CAMK2D: variants seen among roughly 807,000 people sequenced by gnomAD.
CAMK2D encodes the protein calcium/calmodulin dependent protein kinase II delta.
In CAMK2D, 37 loss-of-function variants were observed where a neutral mutation model predicts 84.0. That is an observed-to-expected ratio of 0.44 (90% CI 0.34 to 0.58). The LOEUF (loss-of-function observed/expected upper bound fraction) is 0.58. Among genes scored for constraint, CAMK2D ranks in the 20% least tolerant of loss-of-function variants. The pLI, the probability that CAMK2D is intolerant of heterozygous loss-of-function variation, is 0.02. For synonymous variants in CAMK2D, 202 were observed against 212.5 expected, an observed-to-expected ratio of 0.95 and a Z score of 0.43; for missense variants, 448 against 652.5, an observed-to-expected ratio of 0.69 and a Z score of 3.41.
chr4:113,604,368 C>G (rs1190433917), intron 4 of CAMK2D, among the ~76,000 whole-genome samples: 1 of 152,078 alleles, frequency 6.6e-6, no homozygotes, highest in Non-Finnish European at 1.5e-5. Flanking sequence ...AAATTAGACA[C>G]TTATATCTGT....
intron 16 of CAMK2D, among the ~76,000 whole-genome samples, chr4:113,493,306 C>T (rs2097871724): frequency 6.6e-6 from 1 of 151,954 alleles, no homozygotes; most frequent in African/African-American, 2.4e-5. Context: ...ATGTTTAGTG[C>T]TTCCTTCAGG....
intron 4 of CAMK2D, among the ~76,000 whole-genome samples, chr4:113,568,949 T>C (rs2154219440): frequency 6.6e-6 from 1 of 152,344 alleles, no homozygotes; most frequent in South Asian, 2.1e-4. Context: ...TTTTTTGTTG[T>C]TGTTAAGTTA....
At chr4:113,625,592 A>G (rs2099064377) in intron 3 of CAMK2D, among the ~76,000 whole-genome samples, 2 of 152,282 alleles carry the variant, frequency 1.3e-5, no homozygotes, top group Admixed American at 1.3e-4. Flanking sequence ...TTACTTGACC[A>G]GTTTGAGAAA....
intron 2 of CAMK2D, among the ~76,000 whole-genome samples, chr4:113,709,205 CTCT>C (rs2099477603): frequency 1.5e-5 from 1 of 65,022 alleles, no homozygotes; most frequent in South Asian, 4.3e-4. Context: ...TCAAAATCAT[CTCT>C]TGAGTATCCA....
intron 2 of CAMK2D, among the ~76,000 whole-genome samples, chr4:113,710,299 A>G (rs911957767): frequency 6.6e-6 from 1 of 152,178 alleles, no homozygotes; most frequent in South Asian, 2.1e-4. Context: ...GGATATTCAT[A>G]TCAGGTTTCT....
chr4:113,604,104 T>C (rs1309539616), intron 4 of CAMK2D, among the ~76,000 whole-genome samples: 3 of 152,134 alleles, frequency 2.0e-5, no homozygotes, highest in Middle Eastern at 3.4e-3. Context: ...ACAGGAAATA[T>C]GTACAAGCAC....
At chr4:113,477,195 G>T (rs2097639096) in intron 16 of CAMK2D, among the ~76,000 whole-genome samples, 1 of 152,140 alleles carries the variant, frequency 6.6e-6, no homozygotes, top group African/African-American at 2.4e-5. Flanking sequence ...CTCTTCCAAT[G>T]TCGTCATGCA....
At chr4:113,590,600 C>A (rs2098868341) in intron 4 of CAMK2D, among the ~76,000 whole-genome samples, 2 of 152,126 alleles carry the variant, frequency 1.3e-5, no homozygotes, top group Non-Finnish European at 2.9e-5. Context: ...TTATAATTTT[C>A]TTCCAGTTCT....
intron 4 of CAMK2D, among the ~76,000 whole-genome samples, chr4:113,587,085 A>G (rs886217271): frequency 2.0e-5 from 3 of 152,190 alleles, no homozygotes; most frequent in Admixed American, 6.5e-5. Flanking sequence ...TTTCAGTGTC[A>G]GGCAAATCTA....
chr4:113,466,449 G>A (rs2097469040), intron 16 of CAMK2D, among the ~76,000 whole-genome samples: 1 of 152,026 alleles, frequency 6.6e-6, no homozygotes, highest in Non-Finnish European at 1.5e-5. Flanking sequence ...CTTGCATTGA[G>A]ATATTGAACT....
intron 2 of CAMK2D, among the ~76,000 whole-genome samples, chr4:113,688,818 A>T (rs572599767): frequency 6.6e-6 from 1 of 151,396 alleles, no homozygotes; most frequent in East Asian, 1.9e-4. Context: ...GAGATTTTTA[A>T]CTGTTTTCAG....
At chr4:113,521,636 GA>G (rs1248102644) in intron 8 of CAMK2D, among the ~76,000 whole-genome samples, 3 of 152,114 alleles carry the variant, frequency 2.0e-5, no homozygotes, top group Non-Finnish European at 4.4e-5. Flanking sequence ...GAATGACTAA[GA>G]GACCTAAGAG....
chr4:113,615,499 T>C lies in CAMK2D; in HGVS notation c.221-6293A>G, dbSNP rs550194614. Among the ~76,000 whole-genome samples the C allele has an allele frequency of 2.0e-5, 3 of 152,158 alleles. No individual in the cohort carries two copies. In the South Asian group the frequency reaches 6.2e-4, roughly 32 times the overall value. ...TAGAAAACACAAAAGCACTGAAAAC[T>C]AAGTTCAAAATCAAACTAACACTTC... On this transcript the variant is annotated intron_variant, in intron 3 of 20. Transcript: ENST00000511664.
At chr4:113,498,000 T>C (rs1238560002) in intron 16 of CAMK2D, among the ~76,000 whole-genome samples, 1 of 152,220 alleles carries the variant, frequency 6.6e-6, no homozygotes. Flanking sequence ...TTTGTAGATA[T>C]GACATGGTTT....
intron 8 of CAMK2D, among the ~76,000 whole-genome samples, chr4:113,528,308 T>C (rs1034734672): frequency 6.6e-6 from 1 of 152,192 alleles, no homozygotes; most frequent in African/African-American, 2.4e-5. Flanking sequence ...AGAACTTTGA[T>C]GATCTCCATT....
At chr4:113,570,556 G>A (rs1192328100) in intron 4 of CAMK2D, among the ~76,000 whole-genome samples, 1 of 152,280 alleles carries the variant, frequency 6.6e-6, no homozygotes, top group South Asian at 2.1e-4. Flanking sequence ...GAAAAAGAGA[G>A]TCTCTTCAGT....
chr4:113,686,326 A>G (rs75684948), intron 2 of CAMK2D, among the ~76,000 whole-genome samples: 2,300 of 152,244 alleles, frequency 0.015, 36 homozygotes, highest in East Asian at 0.077. Context: ...CTTTTTCTCA[A>G]TTCTCTGTAA....
At chr4:113,522,176 A>G (rs1242218526) in intron 8 of CAMK2D, among the ~76,000 whole-genome samples, 3 of 152,220 alleles carry the variant, frequency 2.0e-5, no homozygotes, top group Admixed American at 6.5e-5. Context: ...GTTAATAATT[A>G]AACATTCTAA....
chr4:113,718,059 T>C (rs996500624), intron 2 of CAMK2D, among the ~76,000 whole-genome samples: 4 of 152,130 alleles, frequency 2.6e-5, no homozygotes, highest in African/African-American at 9.7e-5. Flanking sequence ...TACATAAATA[T>C]TATAACTGCC....
Sources: gnomAD v4.1 joint callset for allele counts (sites outside exome capture counted in the v4.1 genomes callset) on GRCh38, gnomAD v4.1.1 for gene constraint, MANE v1.5 for transcripts, NCBI Gene and HGNC (gene_info 2026-07-23, HGNC 2026-07-21) for gene names.